DCHS2: variants seen among roughly 807,000 people sequenced by gnomAD.
DCHS2 encodes the protein protocadherin-23.
A neutral mutation model predicts 182.4 loss-of-function variants in DCHS2; 142 were observed. The ratio of observed to expected loss-of-function variants is 0.78; its 90% CI spans 0.68 to 0.89. The LOEUF is 0.89. Ranked by LOEUF, DCHS2 falls within the 40% of genes least tolerant of loss-of-function variation. DCHS2 has a pLI of 0.00. For missense variants in DCHS2, 4,319 were observed against 4,198.6 expected, an observed-to-expected ratio of 1.03 and a Z score of -0.79; for synonymous variants, 1,740 against 1,663.3, an observed-to-expected ratio of 1.05 and a Z score of -1.12.
At chr4:154,258,875 G>A (rs541264090) in intron 15 of DCHS2, among the ~76,000 whole-genome samples, 33 of 152,258 alleles carry the variant, frequency 2.2e-4, no homozygotes, top group African/African-American at 7.9e-4. Context: ...AACTTTGCCT[G>A]GAAGTTGGAT....
In DCHS2 at chr4:154,298,073, G is replaced by A. The variant is rs768594876; in HGVS notation, c.6241C>T (p.Gln2081Ter). Residue 2081 changes from glutamine to a stop codon, truncating the protein, a stop_gained, in exon 13 of 20, where the codon CAG (glutamine) becomes TAG (stop). Transcript: ENST00000357232. LOFTEE classifies it high-confidence loss of function. ...GTVVFSFAETQSMFSIDKYTG... is the reference protein window; with the variant it reads ...GTVVFSFAET ...TATTTATCAATAGAAAACATTGACT[G>A]GGTCTCTGCAAAACTAAAAACCACA... 1.9e-6 allele frequency: 3 copies of A among 1,614,076 alleles called. No individual in the cohort carries two copies. In the South Asian group the frequency reaches 3.3e-5, roughly 18 times the overall value.
At chr4:154,310,544 C>T (rs1235959941) in intron 10 of DCHS2, among the ~76,000 whole-genome samples, 2 of 152,190 alleles carry the variant, frequency 1.3e-5, no homozygotes, top group East Asian at 3.8e-4. Flanking sequence ...CCCAAGAGAT[C>T]AGAGGACCCT....
intron 3 of DCHS2, among the ~76,000 whole-genome samples, chr4:154,365,209 A>T (rs1180479249): frequency 6.6e-6 from 1 of 152,180 alleles, no homozygotes; most frequent in African/African-American, 2.4e-5. Context: ...ACTAAAACCC[A>T]AAGAGACTAA....
chr4:154,360,573 T>G (rs1730074155), intron 3 of DCHS2, among the ~76,000 whole-genome samples: 1 of 152,182 alleles, frequency 6.6e-6, no homozygotes, highest in Non-Finnish European at 1.5e-5. Context: ...GGTATTAATT[T>G]ATTAACTGTA....
chr4:154,315,519 C>T (rs901334402), intron 10 of DCHS2, among the ~76,000 whole-genome samples: 1 of 152,074 alleles, frequency 6.6e-6, no homozygotes, highest in Non-Finnish European at 1.5e-5. Context: ...GTGTGTATCA[C>T]CCTAATATAA....
intron 1 of DCHS2, among the ~76,000 whole-genome samples, chr4:154,457,662 T>C (rs1413951494): frequency 3.9e-5 from 6 of 152,208 alleles, no homozygotes; most frequent in Non-Finnish European, 5.9e-5. Flanking sequence ...CTGTTACATC[T>C]GGCTTATAAC....
At chr4:154,406,172 C>A (rs1732390855) in intron 1 of DCHS2, among the ~76,000 whole-genome samples, 1 of 152,236 alleles carries the variant, frequency 6.6e-6, no homozygotes, top group Non-Finnish European at 1.5e-5. Flanking sequence ...ATATGCACAG[C>A]CCAGGCCTAG....
chr4:154,432,378 C>T (rs1733595104), intron 1 of DCHS2, among the ~76,000 whole-genome samples: 1 of 152,090 alleles, frequency 6.6e-6, no homozygotes, highest in Non-Finnish European at 1.5e-5. Context: ...TGCTGGTTGT[C>T]TTAAAACAAG....
At chr4:154,376,226 T>C (rs569763297) in intron 2 of DCHS2, among the ~76,000 whole-genome samples, 1 of 152,220 alleles carries the variant, frequency 6.6e-6, no homozygotes, top group South Asian at 2.1e-4. Flanking sequence ...CATTTCTCTG[T>C]ATGCATTTTA....
chr4:154,436,493 G>C (rs180968653), intron 1 of DCHS2, among the ~76,000 whole-genome samples: 2 of 152,086 alleles, frequency 1.3e-5, no homozygotes, highest in Non-Finnish European at 2.9e-5. Context: ...AAAATACCTC[G>C]TGATACTCTC....
intron 1 of DCHS2, among the ~76,000 whole-genome samples, chr4:154,393,655 C>A (rs1731804519): frequency 6.6e-6 from 1 of 151,244 alleles, no homozygotes; most frequent in Non-Finnish European, 1.5e-5. Context: ...CTAGTCTAAT[C>A]TCTACAGTCT....
chr4:154,357,643 T>G (rs1287273395), intron 3 of DCHS2, among the ~76,000 whole-genome samples: 1 of 152,198 alleles, frequency 6.6e-6, no homozygotes, highest in Non-Finnish European at 1.5e-5. Context: ...CAATGTATTT[T>G]CATACTTTCT....
At chr4:154,476,075 A>G (rs1735668961) in intron 1 of DCHS2, among the ~76,000 whole-genome samples, 1 of 152,230 alleles carries the variant, frequency 6.6e-6, no homozygotes, top group South Asian at 2.1e-4. Context: ...TTGTCTTTTT[A>G]CGTTTTCAAT....
At chr4:154,336,441 C>T (rs1001293933) in intron 3 of DCHS2, among the ~76,000 whole-genome samples, 1 of 152,030 alleles carries the variant, frequency 6.6e-6, no homozygotes, top group African/African-American at 2.4e-5. Flanking sequence ...GTATGGCTGG[C>T]CTTTATGGAA....
intron 2 of DCHS2, among the ~76,000 whole-genome samples, chr4:154,366,771 G>T (rs79197691): frequency 0.011 from 1,729 of 152,296 alleles, 31 homozygotes; most frequent in African/African-American, 0.038. Context: ...CATGGAATGA[G>T]ATTTCCACTT....
rs1167724612 is a variant in DCHS2 at position 154,490,970 on chromosome 4, C to A, written c.386G>T (p.Arg129Leu). The A allele has an allele frequency of 6.4e-7, 1 of 1,550,430 alleles. No homozygotes were observed. The highest frequency in any genetic ancestry group is 8.7e-7 in the Non-Finnish European group (1 of 1,146,298). Residue 129 changes from arginine to leucine, a missense_variant, in exon 1 of 20, where the codon CGG (arginine) becomes CTG (leucine). Coordinates refer to ENST00000357232, the MANE Select transcript of DCHS2 (RefSeq NM_001358235.2). ...GTCCCGCCGCTCGCGGTCCAGGCGC[C>A]GCGCAGTGCGGATGATGCCGGTGTC... ...HPDTGIIRTA[R>L]RLDRERRDHY...
In DCHS2 at chr4:154,266,374, A is replaced by C. The variant is rs959807915; in HGVS notation, c.6577+3526T>G. ...GTTTGTTTTTCCAAAACCTTTTGGA[A>C]ATCATTGTAATAAAAGCTTCGCCTG... On this transcript the variant is annotated intron_variant, in intron 14 of 19. Coordinates refer to ENST00000357232, the MANE Select transcript of DCHS2 (RefSeq NM_001358235.2). Among the ~76,000 whole-genome samples, 3 of 152,200 alleles carry C rather than the reference A, an allele frequency of 2.0e-5. No homozygotes were observed. The East Asian group carries it at 5.8e-4, about 29-fold the overall frequency.
intron 1 of DCHS2, 146 bp from the exon 2 acceptor site, chr4:154,377,590 C>T (rs558970731): frequency 4.2e-5 from 25 of 601,420 alleles, no homozygotes; most frequent in Middle Eastern, 4.5e-4. Flanking sequence ...TCTCTCTCCT[C>T]GCTTACCTTC....
intron 1 of DCHS2, among the ~76,000 whole-genome samples, chr4:154,487,292 T>C (rs1298874833): frequency 6.6e-6 from 1 of 152,326 alleles, no homozygotes; most frequent in East Asian, 1.9e-4. Flanking sequence ...TTTCTCAGCC[T>C]CCTTTGCAGT....
Sources: gnomAD v4.1 joint callset for allele counts (sites outside exome capture counted in the v4.1 genomes callset) on GRCh38, gnomAD v4.1.1 for gene constraint, MANE v1.5 for transcripts, NCBI Gene and HGNC (gene_info 2026-07-23, HGNC 2026-07-21) for gene names.